SLC5A4: variants seen among roughly 807,000 people sequenced by gnomAD.
SLC5A4 encodes the protein probable glucose sensor protein SLC5A4.
SLC5A4 carries 55 observed loss-of-function variants against 70.3 expected under a neutral mutation model. The ratio of observed to expected loss-of-function variants is 0.78; its 90% CI spans 0.63 to 0.98. The LOEUF (loss-of-function observed/expected upper bound fraction) is 0.98. Ranked by LOEUF, SLC5A4 falls within the 50% of genes least tolerant of loss-of-function variation. The pLI, the probability that SLC5A4 is intolerant of heterozygous loss-of-function variation, is 0.00. For synonymous variants in SLC5A4, 268 were observed against 305.7 expected (o/e 0.88, Z 1.29); for missense variants, 735 against 839.2 (o/e 0.88, Z 1.53).
At chr22:32,283,584 CT>C in the SLC5A4 span, among the ~76,000 whole-genome samples, 2 of 152,146 alleles carry the variant, frequency 1.3e-5, no homozygotes, top group African/African-American at 4.8e-5. Context: ...TTTGACACCC[CT>C]GAACACAGTC....
At chr22:32,275,383 A>G in the SLC5A4 span, among the ~76,000 whole-genome samples, 4 of 152,066 alleles carry the variant, frequency 2.6e-5, no homozygotes, top group Non-Finnish European at 4.4e-5. Context: ...TCACCCCATG[A>G]CAGGCCCCAG....
At chr22:32,306,587 T>C in the SLC5A4 span, among the ~76,000 whole-genome samples, 12,110 of 152,158 alleles carry the variant, frequency 0.08, 638 homozygotes, top group South Asian at 0.12. Flanking sequence ...GGTTATCAGC[T>C]CTCAGAGAGA....
intron 11 of SLC5A4, among the ~76,000 whole-genome samples, chr22:32,227,298 C>T (rs1328645565): frequency 6.6e-6 from 1 of 152,176 alleles, no homozygotes; most frequent in East Asian, 1.9e-4. Flanking sequence ...AGTGGGACGA[C>T]TGCATCTTGG....
intron 5 of SLC5A4, among the ~76,000 whole-genome samples, chr22:32,243,113 G>A (rs897235658): frequency 4.6e-5 from 7 of 152,108 alleles, no homozygotes; most frequent in Non-Finnish European, 1.0e-4. Context: ...AGGAACAGAC[G>A]GGCATTGAAT....
the SLC5A4 span, among the ~76,000 whole-genome samples, chr22:32,300,972 CTTTTTT>C: frequency 6.6e-6 from 1 of 151,828 alleles, no homozygotes; most frequent in African/African-American, 2.4e-5. Flanking sequence ...GTTCAGGTTT[CTTTTTT>C]TTGAGACGGA....
At chr22:32,260,161 C>T (rs1327995889), upstream of SLC5A4, among the ~76,000 whole-genome samples, 2 of 152,158 alleles carry the variant, frequency 1.3e-5, no homozygotes. Context: ...TAAGGCCTCT[C>T]CAGGTCCCTG....
Position 32,254,131 on chromosome 22 carries a change from G to A in SLC5A4, c.207+11C>T, listed in dbSNP as rs775729708. ...AGGAAATTTATCTCCAGAAAACTTCGATCCACTTACCGGCCACCAGGCCAT... is the reference window on the plus strand; with the variant it reads ...AGGAAATTTATCTCCAGAAAACTTCAATCCACTTACCGGCCACCAGGCCAT... On this transcript the variant is annotated intron_variant, in intron 2 of 14. Coordinates refer to ENST00000266086, the MANE Select transcript of SLC5A4 (RefSeq NM_014227.3). The A allele has an allele frequency of 5.0e-6, 8 of 1,609,830 alleles. No individual in the cohort carries two copies. In the African/African-American group the frequency reaches 5.3e-5, roughly 11 times the overall value.
chr22:32,323,223 C>T, the SLC5A4 span, among the ~76,000 whole-genome samples: 2 of 152,208 alleles, frequency 1.3e-5, no homozygotes, highest in African/African-American at 4.8e-5. Flanking sequence ...GACACAGAAG[C>T]AAGTCAGGTG....
At chr22:32,290,767 T>G in the SLC5A4 span, among the ~76,000 whole-genome samples, 3,807 of 152,202 alleles carry the variant, frequency 0.025, 136 homozygotes, top group African/African-American at 0.086. Context: ...TGCTGTGTCT[T>G]CACATGATAG....
At chr22:32,303,283 G>A in the SLC5A4 span, among the ~76,000 whole-genome samples, 11 of 152,206 alleles carry the variant, frequency 7.2e-5, no homozygotes, top group African/African-American at 2.7e-4. Flanking sequence ...GGTCCAGAAA[G>A]GTGGGACAAC....
At chr22:32,272,557 AG>A in the SLC5A4 span, 2 of 650,496 alleles carry the variant, frequency 3.1e-6, no homozygotes, top group Non-Finnish European at 5.6e-6. Context: ...AAGACCCTGG[AG>A]GTGTACAGCG....
At chr22:32,318,642 C>T in the SLC5A4 span, among the ~76,000 whole-genome samples, 1 of 152,176 alleles carries the variant, frequency 6.6e-6, no homozygotes, top group Non-Finnish European at 1.5e-5. Flanking sequence ...TCCACACTAG[C>T]AGGATTCTTG....
chr22:32,320,181 C>T, the SLC5A4 span, among the ~76,000 whole-genome samples: 2 of 152,140 alleles, frequency 1.3e-5, no homozygotes, highest in East Asian at 1.9e-4. Flanking sequence ...AGGGAGCATC[C>T]GCATTCCTTC....
chr22:32,291,150 T>A, the SLC5A4 span, among the ~76,000 whole-genome samples: 1 of 151,644 alleles, frequency 6.6e-6, no homozygotes, highest in Non-Finnish European at 1.5e-5. Context: ...TTCTTTTTCT[T>A]TAGTTGTGTA....
chr22:32,271,586 T>C, the SLC5A4 span: 682,256 of 691,452 alleles, frequency 0.99, 336,618 homozygotes, highest in East Asian at 1. Context: ...CCGCGTGGCG[T>C]GTTTCCACTA....
At chr22:32,324,583 T>G in the SLC5A4 span, among the ~76,000 whole-genome samples, 5,530 of 152,216 alleles carry the variant, frequency 0.036, 119 homozygotes, top group Non-Finnish European at 0.056. Flanking sequence ...GGGCGCCCCT[T>G]CAGCGCAGCT....
At chr22:32,330,871 G>A in the SLC5A4 span, among the ~76,000 whole-genome samples, 151 of 96,402 alleles carry the variant, frequency 1.6e-3, 29 homozygotes, top group African/African-American at 5.4e-3. Flanking sequence ...GTGTTGGAGG[G>A]TCTGCTGTGT....
In SLC5A4 at chr22:32,255,207, A is replaced by G; in HGVS notation, c.123T>C (p.Ala41=). Residue 41 remains alanine, a synonymous_variant, in exon 1 of 15, where the codon GCT becomes GCC. Transcript: ENST00000266086. The stretch of plus-strand genomic sequence containing the variant: ...GGATTCCACCTACCCACAGCCCAAC[A>G]GCCATCACCACCAGAAAATAGATGA... ...VIVIYFLVVM[A]VGLWAMLKTN... is the part of the protein sequence containing the mutation. 1.9e-6 allele frequency: 3 copies of G among 1,613,886 alleles called. No homozygotes were observed. The highest frequency in any genetic ancestry group is 1.7e-6 in the Non-Finnish European group (2 of 1,179,962).
intron 11 of SLC5A4, among the ~76,000 whole-genome samples, chr22:32,228,078 G>A (rs1925509366): frequency 6.6e-6 from 1 of 152,186 alleles, no homozygotes; most frequent in South Asian, 2.1e-4. Context: ...GCTTTGGAAC[G>A]AGGTGGCCCA....
Sources: gnomAD v4.1 joint callset for allele counts (sites outside exome capture counted in the v4.1 genomes callset) on GRCh38, gnomAD v4.1.1 for gene constraint, MANE v1.5 for transcripts, NCBI Gene and HGNC (gene_info 2026-07-23, HGNC 2026-07-21) for gene names.